DPYD: variants seen among roughly 807,000 people sequenced by gnomAD.
DPYD encodes the protein dihydropyrimidine dehydrogenase, also known as dihydropyrimidine dehydrogenase [NADP(+)].
DPYD carries 109 observed loss-of-function variants against 116.2 expected under a neutral mutation model. The ratio of observed to expected loss-of-function variants is 0.94; its 90% CI spans 0.80 to 1.10. The LOEUF (loss-of-function observed/expected upper bound fraction) is 1.10. Ranked by LOEUF, DPYD falls within the 50% of genes least tolerant of loss-of-function variation. The probability of loss-of-function intolerance (pLI) is 0.00; values close to 1 mark genes in which losing one functional copy is unlikely to be tolerated. For synonymous variants in DPYD, 440 were observed against 432.0 expected (o/e 1.02, Z -0.23); for missense variants, 1,302 against 1,254.5 (o/e 1.04, Z -0.57).
chr1:97,469,358 A>G (rs1244775238), intron 13 of DPYD, among the ~76,000 whole-genome samples: 1 of 146,160 alleles, frequency 6.8e-6, no homozygotes, highest in Non-Finnish European at 1.5e-5. Flanking sequence ...CAGAATTCCA[A>G]CTTGTTAGCT....
chr1:97,555,068 A>G (rs1292832159), intron 11 of DPYD, among the ~76,000 whole-genome samples: 1 of 152,132 alleles, frequency 6.6e-6, no homozygotes, highest in East Asian at 1.9e-4. Flanking sequence ...CTTGAATGAA[A>G]GTATGGTCTC....
intron 5 of DPYD, among the ~76,000 whole-genome samples, chr1:97,704,682 G>T (rs1051566780): frequency 1.3e-5 from 2 of 151,836 alleles, no homozygotes; most frequent in African/African-American, 4.8e-5. Flanking sequence ...TTAGAATATA[G>T]TTCCCTATTG....
At chr1:97,616,875 A>T (rs1055629537) in intron 8 of DPYD, among the ~76,000 whole-genome samples, 2 of 152,140 alleles carry the variant, frequency 1.3e-5, no homozygotes, top group African/African-American at 4.8e-5. Context: ...CCTAAAATTA[A>T]GGCTATGAAA....
At chr1:97,183,439 T>C (rs1657783106) in intron 20 of DPYD, among the ~76,000 whole-genome samples, 1 of 152,068 alleles carries the variant, frequency 6.6e-6, no homozygotes, top group South Asian at 2.1e-4. Context: ...TTTCTGGACT[T>C]TCTATCCATT....
At chr1:97,462,916 T>TATATTGGGAGAAAAGGATTAACGG (rs1677104295) in intron 13 of DPYD, among the ~76,000 whole-genome samples, 1 of 152,138 alleles carries the variant, frequency 6.6e-6, no homozygotes, top group African/African-American at 2.4e-5. Context: ...GGAGGCTTCA[T>TATATTGGGAGAAAAGGATTAACGG]CTGCATAATA....
At chr1:97,140,969 T>C (rs1325070843) in intron 20 of DPYD, among the ~76,000 whole-genome samples, 1 of 152,172 alleles carries the variant, frequency 6.6e-6, no homozygotes, top group African/African-American at 2.4e-5. Context: ...TGTGATGACA[T>C]GAAGCCAAAT....
chr1:97,759,436 A>G (rs1421840302), intron 3 of DPYD, among the ~76,000 whole-genome samples: 1 of 152,192 alleles, frequency 6.6e-6, no homozygotes, highest in African/African-American at 2.4e-5. Flanking sequence ...AAATTTATCC[A>G]TATGGCTGCT....
At chr1:97,696,762 T>C (rs1046160993) in intron 6 of DPYD, among the ~76,000 whole-genome samples, 1 of 152,196 alleles carries the variant, frequency 6.6e-6, no homozygotes, top group East Asian at 1.9e-4. Flanking sequence ...ACAATTCTCA[T>C]ACTCTGACAG....
chr1:97,851,713 A>G (rs2101567641), intron 2 of DPYD, among the ~76,000 whole-genome samples: 1 of 149,936 alleles, frequency 6.7e-6, no homozygotes, highest in South Asian at 2.1e-4. Context: ...TAGCAAAGAA[A>G]AAAAAAAAAA....
chr1:97,454,414 G>A (rs1242329544), intron 13 of DPYD, among the ~76,000 whole-genome samples: 1 of 151,770 alleles, frequency 6.6e-6, no homozygotes, highest in Non-Finnish European at 1.5e-5. Context: ...AGTCTTATTA[G>A]CATTGCTTAA....
chr1:97,794,178 T>C (rs761594277), intron 3 of DPYD, among the ~76,000 whole-genome samples: 5 of 152,116 alleles, frequency 3.3e-5, no homozygotes, highest in South Asian at 2.1e-4. Context: ...GCTCAAGCAA[T>C]CCATCAACCT....
At chr1:97,910,872 ATC>A (rs1349756087) in intron 1 of DPYD, among the ~76,000 whole-genome samples, 4 of 152,038 alleles carry the variant, frequency 2.6e-5, no homozygotes, top group Non-Finnish European at 5.9e-5. Context: ...TTTTCTTAAA[ATC>A]TGTTATACTT....
chr1:97,783,498 G>A (rs12134462), intron 3 of DPYD, among the ~76,000 whole-genome samples: 41 of 151,788 alleles, frequency 2.7e-4, no homozygotes, highest in Non-Finnish European at 5.3e-4. Flanking sequence ...GGATTCAAGT[G>A]ATTCTCTCAC....
intron 16 of DPYD, among the ~76,000 whole-genome samples, chr1:97,311,750 G>T (rs1224259671): frequency 6.6e-6 from 1 of 151,646 alleles, no homozygotes; most frequent in Non-Finnish European, 1.5e-5. Flanking sequence ...GTCATACAAT[G>T]GAATAAACAC....
intron 12 of DPYD, among the ~76,000 whole-genome samples, chr1:97,548,513 G>A (rs900846101): frequency 3.3e-5 from 5 of 152,100 alleles, no homozygotes; most frequent in African/African-American, 1.2e-4. Flanking sequence ...GAGGTGGGCG[G>A]ATCACTTGAG....
chr1:97,705,650 G>A (rs1661902253), intron 5 of DPYD, among the ~76,000 whole-genome samples: 1 of 152,096 alleles, frequency 6.6e-6, no homozygotes, highest in Admixed American at 6.6e-5. Flanking sequence ...TATATACCCA[G>A]TAATGGGATG....
chr1:97,702,724 A>G (rs1055942324), intron 5 of DPYD, among the ~76,000 whole-genome samples: 2 of 151,978 alleles, frequency 1.3e-5, no homozygotes, highest in African/African-American at 4.8e-5. Context: ...AGCATATCTG[A>G]ACAAATTCTA....
chr1:97,325,996 C>T (rs1668688392), intron 16 of DPYD, among the ~76,000 whole-genome samples: 1 of 151,564 alleles, frequency 6.6e-6, no homozygotes, highest in South Asian at 2.1e-4. Context: ...GTTTTAGAAA[C>T]ATAACTCTTA....
At chr1:97,514,370 C>T (rs1038400304) in intron 13 of DPYD, 2 of 462,630 alleles carry the variant, frequency 4.3e-6, no homozygotes, top group African/African-American at 2.1e-5. Flanking sequence ...TATAATTCTT[C>T]ACCTGTGCCC....
Sources: allele counts gnomAD v4.1 joint callset (sites outside exome capture counted in the v4.1 genomes callset), GRCh38; gene constraint gnomAD v4.1.1; transcripts MANE v1.5; gene names NCBI Gene and HGNC (gene_info 2026-07-23, HGNC 2026-07-21).